Variants in ADAM9 observed in about 807,000 individuals in gnomAD.
The protein encoded by ADAM9 is disintegrin and metalloproteinase domain-containing protein 9.
ADAM9 carries 54 observed loss-of-function variants against 108.1 expected under a neutral mutation model. That is an observed-to-expected ratio of 0.50 (90% confidence interval 0.40 to 0.63). ADAM9 has a LOEUF of 0.63. ADAM9 is among the 20% of genes least tolerant of loss of function. The pLI is 0.00. For synonymous variants in ADAM9, 316 were observed against 336.0 expected (o/e 0.94, Z 0.65); for missense variants, 830 against 997.7 (o/e 0.83, Z 2.26).
intron 14 of ADAM9, among the ~76,000 whole-genome samples, chr8:39,068,577 A>G (rs1308545408): frequency 6.8e-6 from 1 of 147,076 alleles, no homozygotes; most frequent in African/African-American, 2.5e-5. Flanking sequence ...CAGGAGGCTG[A>G]GGCAGGAGAA....
chr8:39,071,195 G>C, intron 14 of ADAM9, 103 bp from the exon 15 acceptor site: 2 of 1,029,752 alleles, frequency 1.9e-6, no homozygotes, highest in South Asian at 2.8e-5. Context: ...GGGGTATTGA[G>C]GCTGTTCATC....
chr8:38,997,638 A>G (rs1471927864), intron 1 of ADAM9, among the ~76,000 whole-genome samples: 1 of 152,228 alleles, frequency 6.6e-6, no homozygotes, highest in East Asian at 1.9e-4. Context: ...GCTGCAGGTT[A>G]TAATTTGAAA....
At chr8:39,014,823 T>TCTTTA in intron 4 of ADAM9, 1 of 239,992 alleles carries the variant, frequency 4.2e-6, no homozygotes, top group Non-Finnish European at 6.8e-6. Flanking sequence ...GGCAAAAAAA[T>TCTTTA]CTTTAGATTA....
rs1034574036 is a variant in ADAM9 at position 39,026,820 on chromosome 8, T to G, written c.1130+10T>G. 6 of 1,514,624 alleles carry G rather than the reference T, an allele frequency of 4.0e-6. No homozygotes were observed. Among genetic ancestry groups the G allele is most frequent in the Admixed American group, 4.1e-5 (2 of 48,850 alleles). 93.8% of individuals were successfully genotyped at this position (1,514,624 alleles called of 1,614,324 possible). On this transcript the variant is annotated intron_variant, in intron 11 of 21. Transcript: ENST00000487273. ...TGAATTCAGGAGCATCGTGAGTACC[T>G]GGGTTCTTCTTCTCCTTTATTTGGT...
chr8:39,022,937 T>G (rs1836793515), intron 8 of ADAM9, among the ~76,000 whole-genome samples: 1 of 152,136 alleles, frequency 6.6e-6, no homozygotes, highest in Non-Finnish European at 1.5e-5. Context: ...GGTCTCCAAC[T>G]CCTGATCTCC....
At chr8:39,089,835 GTTAC>G in intron 18 of ADAM9, 1 of 561,184 alleles carries the variant, frequency 1.8e-6, no homozygotes, top group South Asian at 2.0e-5. Context: ...ATACTGTAAG[GTTAC>G]AGAAGAAACT....
chr8:39,097,404 T>A (rs1588436480), intron 20 of ADAM9, among the ~76,000 whole-genome samples: 3 of 89,180 alleles, frequency 3.4e-5, no homozygotes, highest in Admixed American at 1.2e-4. Flanking sequence ...CCTCCCAGGT[T>A]CAAGCAATTC....
At chr8:39,010,729 T>C (rs1836328399) in intron 2 of ADAM9, among the ~76,000 whole-genome samples, 1 of 152,158 alleles carries the variant, frequency 6.6e-6, no homozygotes, top group Admixed American at 6.5e-5. Flanking sequence ...TGTGTATATA[T>C]GTTACTTTAA....
intron 1 of ADAM9, among the ~76,000 whole-genome samples, chr8:38,997,485 C>T (rs1423954317): frequency 6.6e-6 from 1 of 152,144 alleles, no homozygotes; most frequent in East Asian, 1.9e-4. Flanking sequence ...CGCTCTGGGG[C>T]GGGCGCTGAC....
chr8:39,028,127 G>A (rs961607469), intron 11 of ADAM9, among the ~76,000 whole-genome samples: 2 of 152,014 alleles, frequency 1.3e-5, no homozygotes, highest in East Asian at 1.9e-4. Flanking sequence ...GGGAATATCC[G>A]TGGCCCCAAG....
At chr8:39,017,957 G>C (rs1363009491) in intron 6 of ADAM9, among the ~76,000 whole-genome samples, 1 of 152,180 alleles carries the variant, frequency 6.6e-6, no homozygotes, top group African/African-American at 2.4e-5. Flanking sequence ...CCCTAGATTG[G>C]AAAAAGAGAG....
At chr8:39,006,668 T>C (rs1193342170) in intron 1 of ADAM9, among the ~76,000 whole-genome samples, 1 of 151,754 alleles carries the variant, frequency 6.6e-6, no homozygotes, top group Non-Finnish European at 1.5e-5. Context: ...ACATGGTGTG[T>C]CTTCCTAAGA....
chr8:39,075,805 A>G (rs1014019194), intron 15 of ADAM9: 4 of 152,214 alleles, frequency 2.6e-5, no homozygotes, highest in African/African-American at 9.6e-5. Context: ...AGGTTTTCAT[A>G]TCTAATTTCA....
chr8:38,997,430 C>T (rs965112724), intron 1 of ADAM9, among the ~76,000 whole-genome samples: 1 of 152,146 alleles, frequency 6.6e-6, no homozygotes, highest in Non-Finnish European at 1.5e-5. Context: ...CCCCCCATCC[C>T]TCGCCGCCTC....
intron 20 of ADAM9, among the ~76,000 whole-genome samples, chr8:39,091,748 A>G (rs760770143): frequency 4.6e-5 from 7 of 152,156 alleles, no homozygotes; most frequent in African/African-American, 1.4e-4. Flanking sequence ...TGGCCTCCCA[A>G]AGTGCTGGGA....
chr8:39,097,846 T>G (rs1425867619), intron 20 of ADAM9, among the ~76,000 whole-genome samples: 1 of 152,216 alleles, frequency 6.6e-6, no homozygotes, highest in Non-Finnish European at 1.5e-5. Context: ...ATAATAATAG[T>G]ACTAATCACA....
At chr8:39,013,445 T>C (rs566321653) in intron 3 of ADAM9, among the ~76,000 whole-genome samples, 1 of 152,066 alleles carries the variant, frequency 6.6e-6, no homozygotes, top group South Asian at 2.1e-4. Context: ...AAATATTATT[T>C]ATGAATAAGT....
chr8:39,057,225 C>G (rs1588393250), intron 14 of ADAM9, among the ~76,000 whole-genome samples: 1 of 151,868 alleles, frequency 6.6e-6, no homozygotes, highest in African/African-American at 2.4e-5. Context: ...TGCACAATGA[C>G]AAAATCACCT....
intron 14 of ADAM9, among the ~76,000 whole-genome samples, chr8:39,067,785 A>G (rs1838533642): frequency 6.6e-6 from 1 of 152,136 alleles, no homozygotes. Context: ...CAGTATGTTG[A>G]ATAGGAGTGG....
Sources: allele counts gnomAD v4.1 joint callset (sites outside exome capture counted in the v4.1 genomes callset), GRCh38; gene constraint gnomAD v4.1.1; transcripts MANE v1.5; gene names NCBI Gene and HGNC (gene_info 2026-07-23, HGNC 2026-07-21).